The following MYOM2 variants were observed in gnomAD, a reference collection of about 807,000 sequenced individuals.
The protein encoded by MYOM2 is myomesin-2.
In MYOM2, 254 loss-of-function variants were observed where a neutral mutation model predicts 187.6. The observed-to-expected ratio is 1.35, with a 90% confidence interval of 1.22 to 1.50. The LOEUF (loss-of-function observed/expected upper bound fraction) is 1.50, where lower values mean the gene tolerates loss of function less well. MYOM2 is among the 40% of genes most tolerant of loss of function. The pLI is 0.00. For missense variants in MYOM2, 2,796 were observed against 1,924.0 expected (o/e 1.45, Z -8.48); for synonymous variants, 981 against 753.8 (o/e 1.30, Z -4.94).
rs1797483243 is a variant in MYOM2, at chr8:2,122,255, AT to A, written c.3454-996del. On this transcript the variant is annotated intron_variant, in intron 28 of 36. Coordinates refer to ENST00000262113, the MANE Select transcript of MYOM2 (RefSeq NM_003970.4). Reference sequence around the variant, plus strand: ...GCCGCAGTCCATTCTAAGATTTGTTATAAAGGAGTGGTTCTGATTTAGAAGG... The same window carrying A: ...GCCGCAGTCCATTCTAAGATTTGTTAAAAGGAGTGGTTCTGATTTAGAAGG... Among the ~76,000 whole-genome samples, 3 of 152,232 alleles carry A rather than the reference AT, an allele frequency of 2.0e-5. No individual in the cohort carries two copies. In the South Asian group the frequency reaches 6.2e-4, roughly 31 times the overall value.
chr8:2,123,129 T>C (rs6558607), intron 28 of MYOM2, 123 bp from the exon 29 acceptor site: 231,180 of 575,278 alleles, frequency 0.4, 47,996 homozygotes, highest in Non-Finnish European at 0.44. Flanking sequence ...CGTCTGAGAC[T>C]GTCTATAGTA....
intron 6 of MYOM2, among the ~76,000 whole-genome samples, chr8:2,063,810 C>T (rs1393129920): frequency 6.6e-6 from 1 of 152,174 alleles, no homozygotes; most frequent in African/African-American, 2.4e-5. Context: ...GTTTTAGGGG[C>T]CTTCAAACAG....
chr8:2,047,252 G>C (rs1448905809), intron 1 of MYOM2, among the ~76,000 whole-genome samples: 2 of 152,158 alleles, frequency 1.3e-5, no homozygotes, highest in Non-Finnish European at 2.9e-5. Context: ...GTGGGGATTT[G>C]CTTGCAAAGA....
chr8:2,066,418 T>G (rs2129332370), intron 6 of MYOM2, among the ~76,000 whole-genome samples: 1 of 152,300 alleles, frequency 6.6e-6, no homozygotes, highest in Middle Eastern at 3.4e-3. Flanking sequence ...CTGTCGCCCT[T>G]GTTTCTCTCA....
intron 1 of MYOM2, among the ~76,000 whole-genome samples, chr8:2,048,741 G>A (rs1401018204): frequency 1.3e-5 from 2 of 151,958 alleles, no homozygotes; most frequent in Non-Finnish European, 2.9e-5. Context: ...AGGGCGGGTG[G>A]AGGAGATATG....
At chr8:2,129,007 G>C (rs1233980893) in intron 31 of MYOM2, 120 bp from the exon 32 acceptor site, 5 of 627,374 alleles carry the variant, frequency 8.0e-6, no homozygotes, top group Non-Finnish European at 1.1e-5. Flanking sequence ...GACTTTATGA[G>C]AGACACAAGT....
At chr8:2,112,639 C>T (rs1228153896) in intron 25 of MYOM2, among the ~76,000 whole-genome samples, 1 of 152,032 alleles carries the variant, frequency 6.6e-6, no homozygotes, top group East Asian at 1.9e-4. Flanking sequence ...AAAATGAACA[C>T]AGAGAGAGAA....
intron 25 of MYOM2, among the ~76,000 whole-genome samples, chr8:2,114,203 C>G (rs1797162152): frequency 6.6e-6 from 1 of 152,224 alleles, no homozygotes; most frequent in Non-Finnish European, 1.5e-5. Context: ...GGGCATGGCC[C>G]TCAGGGAACT....
At chr8:2,058,461 C>A (rs1368820176) in intron 5 of MYOM2, among the ~76,000 whole-genome samples, 2 of 152,222 alleles carry the variant, frequency 1.3e-5, no homozygotes, top group Non-Finnish European at 2.9e-5. Context: ...AAAGCATAAA[C>A]TCTAAAGTTT....
chr8:2,124,052 G>A (rs1001697546), intron 30 of MYOM2, 127 bp from the exon 31 acceptor site: 2 of 909,184 alleles, frequency 2.2e-6, no homozygotes, highest in Admixed American at 4.8e-5. Context: ...GATAAATATT[G>A]CCATTTTAAT....
intron 21 of MYOM2, among the ~76,000 whole-genome samples, chr8:2,103,003 G>A (rs1796762402): frequency 6.6e-6 from 1 of 152,074 alleles, no homozygotes; most frequent in Admixed American, 6.5e-5. Flanking sequence ...GGGAGAGTGT[G>A]CATGGATTAT....
intron 13 of MYOM2, among the ~76,000 whole-genome samples, chr8:2,083,449 C>G (rs1352536908): frequency 6.6e-6 from 1 of 151,204 alleles, no homozygotes; most frequent in Admixed American, 6.6e-5. Flanking sequence ...TGCTTAGCGG[C>G]ATCTCGCATG....
Position 2,078,900 on chromosome 8 carries a change from G to C in MYOM2, c.1429G>C (p.Ala477Pro). The C allele has an allele frequency of 6.2e-7, 1 of 1,613,998 alleles. No homozygotes were observed. The highest frequency in any genetic ancestry group is 8.5e-7 in the Non-Finnish European group (1 of 1,179,890). ...RPSRVSDAVA[A>P]LDPLDLRRLQ... ...CTCCAGGGTCTCTGATGCGGTGGCT[G>C]CACTTGACCCCTTGGACCTCAGAAG... The change falls in exon 12 of 37, where the codon GCA (alanine) becomes CCA (proline). Residue 477 changes from alanine (A) to proline (P), a missense_variant. Coordinates refer to ENST00000262113, the MANE Select transcript of MYOM2 (RefSeq NM_003970.4).
At chr8:2,107,627 G>T (rs920988791) in intron 23 of MYOM2, among the ~76,000 whole-genome samples, 2 of 152,118 alleles carry the variant, frequency 1.3e-5, no homozygotes, top group South Asian at 4.2e-4. Context: ...GAAAACTCAT[G>T]CACATTTAAC....
chr8:2,143,559 G>A lies in MYOM2; in HGVS notation c.4080+103G>A, dbSNP rs140454596. On this transcript the variant is annotated intron_variant, in intron 36 of 36. Transcript: ENST00000262113. ...AGAGGGAACCCAGTGAGGGGCTTCT[G>A]TGTCCTCACTCAGCCTGCAGGGAAC... 112 of 1,398,288 alleles carry A rather than the reference G, an allele frequency of 8.0e-5. 2 individuals carry two copies. In the East Asian group the frequency reaches 2.6e-3, roughly 32 times the overall value. The allele number at this position is 1,398,288 out of a possible 1,614,324, so 86.6% of individuals were successfully genotyped here.
chr8:2,051,300 C>T (rs937622389), intron 2 of MYOM2, among the ~76,000 whole-genome samples: 1 of 151,984 alleles, frequency 6.6e-6, no homozygotes, highest in Admixed American at 6.6e-5. Flanking sequence ...TTGGCTACAT[C>T]GATCATGGAT....
intron 19 of MYOM2, among the ~76,000 whole-genome samples, chr8:2,099,870 A>G (rs973590788): frequency 7.2e-5 from 11 of 152,222 alleles, no homozygotes; most frequent in African/African-American, 2.7e-4. Flanking sequence ...CAAAGTTCAG[A>G]GTGTTTTCCA....
chr8:2,094,814 G>A (rs1796424904), intron 17 of MYOM2, among the ~76,000 whole-genome samples: 2 of 152,202 alleles, frequency 1.3e-5, no homozygotes, highest in African/African-American at 2.4e-5. Flanking sequence ...GTAAATAGTG[G>A]TGTTTAACAG....
intron 4 of MYOM2, 66 bp downstream of exon 4, chr8:2,057,552 G>T: frequency 6.2e-7 from 1 of 1,612,922 alleles, no homozygotes; most frequent in Non-Finnish European, 8.5e-7. Flanking sequence ...TGTCTGCATG[G>T]TGCTTGAGGG....
Sources: gnomAD v4.1 joint callset for allele counts (sites outside exome capture counted in the v4.1 genomes callset) on GRCh38, gnomAD v4.1.1 for gene constraint, MANE v1.5 for transcripts, NCBI Gene and HGNC (gene_info 2026-07-23, HGNC 2026-07-21) for gene names.